VPS8: variants seen among roughly 807,000 people sequenced by gnomAD.
VPS8 encodes the protein VPS8 subunit of CORVET complex, also known as vacuolar protein sorting-associated protein 8 homolog.
Under a neutral mutation model 216.4 loss-of-function variants are expected in VPS8, and 129 were observed. The ratio of observed to expected loss-of-function variants is 0.60; its 90% CI spans 0.52 to 0.69. The LOEUF (loss-of-function observed/expected upper bound fraction) is 0.69, where lower values mean the gene tolerates loss of function less well. Among genes scored for constraint, VPS8 ranks in the 30% least tolerant of loss-of-function variants. The pLI is 0.00. For missense variants in VPS8, 1,531 were observed against 1,683.5 expected (o/e 0.91, Z 1.59); for synonymous variants, 571 against 565.4 (o/e 1.01, Z -0.14).
chr3:184,935,388 ATT>A (rs34534879), intron 34 of VPS8, among the ~76,000 whole-genome samples: 1 of 152,204 alleles, frequency 6.6e-6, no homozygotes, highest in African/African-American at 2.4e-5. Flanking sequence ...AACTACAGTT[ATT>A]TGTGGCAGCT....
At chr3:184,982,669 T>G in intron 41 of VPS8, 22 bp downstream of exon 41, 1 of 1,572,058 alleles carries the variant, frequency 6.4e-7, no homozygotes, top group South Asian at 1.1e-5. Flanking sequence ...AGAATTCAAG[T>G]GACTGAGTCC....
chr3:184,899,992 G>A lies in VPS8; in HGVS notation c.2095-929G>A, dbSNP rs1446385895. Among the ~76,000 whole-genome samples, 8 of 152,192 alleles carry A rather than the reference G, an allele frequency of 5.3e-5. No homozygotes were observed. In the South Asian group the frequency reaches 1.7e-3, roughly 32 times the overall value. ...GTTTAGCTATTTTAGTACTTAAAGA[G>A]GTCTGAATTAAGAGAAGGTGTCCTG... On this transcript the variant is annotated intron_variant, in intron 24 of 47. Coordinates refer to ENST00000625842, the MANE Select transcript of VPS8 (RefSeq NM_001009921.3).
intron 20 of VPS8, among the ~76,000 whole-genome samples, chr3:184,869,790 G>A (rs866751411): frequency 9.2e-5 from 14 of 152,202 alleles, no homozygotes; most frequent in African/African-American, 3.1e-4. Context: ...CTTGGGAGGC[G>A]AGGCCAGAGG....
Position 184,924,887 on chromosome 3 carries a change from C to T in VPS8, c.2480C>T (p.Thr827Ile). ...LKVMVENSDF[T>I]PSQVGCLFTF... Reference sequence around the variant, plus strand: ...GTTATGGTGGAGAATTCAGACTTTACCCCCTCACAAGTAGGATGTCTCTTT... The same window carrying T: ...GTTATGGTGGAGAATTCAGACTTTATCCCCTCACAAGTAGGATGTCTCTTT... The change falls in exon 30 of 48, where the codon ACC becomes ATC. Residue 827 changes from threonine (T) to isoleucine (I), a missense_variant. Around this residue, in one of 3 missense-constraint regions of VPS8, gnomAD observed 1,318 missense variants for 1,468.4 expected, o/e 0.90. Transcript: ENST00000625842. 1.2e-6 allele frequency: 2 copies of T among 1,612,856 alleles called. No homozygotes were observed. Among genetic ancestry groups the T allele is most frequent in the Non-Finnish European group, 1.7e-6 (2 of 1,179,590 alleles).
In VPS8 at chr3:184,957,502, G is replaced by A. The variant is rs377479838; in HGVS notation, c.3164G>A (p.Arg1055His). 1.2e-4 allele frequency: 187 copies of A among 1,610,900 alleles called. No homozygotes were observed. Among genetic ancestry groups the A allele is most frequent in the African/African-American group, 1.6e-4 (12 of 74,892 alleles). The change falls in exon 37 of 48, where the codon CGT (arginine) becomes CAT (histidine). Residue 1055 changes from arginine to histidine, a missense_variant. Physicochemically the swap from Arg to His is conservative, Grantham distance 29. Coordinates refer to ENST00000625842, the MANE Select transcript of VPS8 (RefSeq NM_001009921.3). ...IETLQVLECY[R>H]LEETIQITQK... The stretch of plus-strand genomic sequence containing the variant: ...ACTCTGCAAGTCCTTGAGTGCTACC[G>A]TCTGGAAGAAACTATTCAGGTGAGA...
At chr3:185,041,222 A>T (rs1309431094) in intron 46 of VPS8, among the ~76,000 whole-genome samples, 1 of 152,054 alleles carries the variant, frequency 6.6e-6, no homozygotes, top group African/African-American at 2.4e-5. Context: ...AAAAAAAAAA[A>T]GCCAAGGATA....
At chr3:184,972,722 A>AAC in intron 40 of VPS8, among the ~76,000 whole-genome samples, 1 of 152,258 alleles carries the variant, frequency 6.6e-6, no homozygotes, top group African/African-American at 2.4e-5. Context: ...GTTGAGCAGC[A>AAC]GGTGCAAGGT....
intron 1 of VPS8, among the ~76,000 whole-genome samples, chr3:184,813,456 A>G (rs1715611246): frequency 6.6e-6 from 1 of 152,304 alleles, no homozygotes; most frequent in African/African-American, 2.4e-5. Context: ...ATGTGGATGG[A>G]GAATCTGCAT....
intron 40 of VPS8, among the ~76,000 whole-genome samples, chr3:184,977,779 G>A (rs1683843146): frequency 6.7e-6 from 1 of 149,350 alleles, no homozygotes; most frequent in Admixed American, 6.7e-5. Flanking sequence ...GGTTGTGGGT[G>A]TGGGTCAGCT....
chr3:184,913,651 G>T, intron 26 of VPS8, 90 bp downstream of exon 26: 2 of 1,085,316 alleles, frequency 1.8e-6, no homozygotes, highest in Non-Finnish European at 2.6e-6. Flanking sequence ...TATCTATATA[G>T]TACTTTTAAT....
chr3:184,825,275 GATAATCCATTGT>G (rs1718507913), intron 2 of VPS8, among the ~76,000 whole-genome samples: 1 of 152,174 alleles, frequency 6.6e-6, no homozygotes, highest in Non-Finnish European at 1.5e-5. Flanking sequence ...ACAACACTCT[GATAATCCATTGT>G]ATAGATGAAG....
At chr3:185,051,724 G>A (rs1233509301) in intron 47 of VPS8, among the ~76,000 whole-genome samples, 152 bp from the exon 48 acceptor site, 2 of 152,202 alleles carry the variant, frequency 1.3e-5, no homozygotes, top group Non-Finnish European at 2.9e-5. Flanking sequence ...CACACTGCTC[G>A]TTTGTGATAT....
chr3:185,048,079 C>T (rs913318226), intron 46 of VPS8, among the ~76,000 whole-genome samples: 4 of 152,154 alleles, frequency 2.6e-5, no homozygotes, highest in African/African-American at 7.2e-5. Flanking sequence ...AATGACAGTG[C>T]GTCTCCTGTT....
chr3:184,982,907 G>A (rs764392818), intron 41 of VPS8, 105 bp from the exon 42 acceptor site: 9 of 1,056,296 alleles, frequency 8.5e-6, no homozygotes, highest in Non-Finnish European at 1.0e-5. Context: ...GGTTAGCTAA[G>A]TTTCTAAGAA....
chr3:184,915,845 GA>G (rs1349740479), intron 28 of VPS8, among the ~76,000 whole-genome samples: 12 of 152,134 alleles, frequency 7.9e-5, no homozygotes, highest in Non-Finnish European at 1.6e-4. Context: ...TTTTTTAATA[GA>G]AAAATCCCAT....
intron 45 of VPS8, among the ~76,000 whole-genome samples, chr3:185,003,238 G>C (rs1352345453): frequency 7.0e-6 from 1 of 142,564 alleles, no homozygotes; most frequent in African/African-American, 2.6e-5. Flanking sequence ...ATAGTGGAGG[G>C]AAGGTCAGCA....
chr3:184,984,980 A>G (rs1367538581), intron 42 of VPS8, among the ~76,000 whole-genome samples: 1 of 152,206 alleles, frequency 6.6e-6, no homozygotes, highest in Non-Finnish European at 1.5e-5. Flanking sequence ...TTTGAGTTAT[A>G]CTGGCATTCA....
At chr3:184,968,625 A>AT (rs920920244) in intron 39 of VPS8, among the ~76,000 whole-genome samples, 22 of 152,272 alleles carry the variant, frequency 1.4e-4, no homozygotes, top group African/African-American at 5.3e-4. Flanking sequence ...TTCTCTAATG[A>AT]TTAGTGATGA....
intron 36 of VPS8, among the ~76,000 whole-genome samples, chr3:184,945,684 A>G (rs1375967965): frequency 6.6e-6 from 1 of 152,090 alleles, no homozygotes; most frequent in Admixed American, 6.6e-5. Context: ...CCCAACTGTA[A>G]TCTCCCAACA....
Sources: allele counts gnomAD v4.1 joint callset (sites outside exome capture counted in the v4.1 genomes callset), GRCh38; gene constraint gnomAD v4.1.1; regional missense constraint gnomAD v4.1.1; transcripts MANE v1.5; gene names NCBI Gene and HGNC (gene_info 2026-07-23, HGNC 2026-07-21).